BBS4: variants seen among roughly 807,000 people sequenced by gnomAD.
BBS4 encodes BBSome complex member BBS4.
Under a neutral mutation model 71.4 loss-of-function variants are expected in BBS4, and 58 were observed. That is an observed-to-expected ratio of 0.81 (90% CI 0.66 to 1.01). The LOEUF is 1.01. Ranked by LOEUF, BBS4 falls within the 50% of genes least tolerant of loss-of-function variation. BBS4 has a pLI of 0.00. For missense variants in BBS4, 660 were observed against 607.9 expected, an observed-to-expected ratio of 1.09 and a Z score of -0.90; for synonymous variants, 228 against 216.8, an observed-to-expected ratio of 1.05 and a Z score of -0.46.
chr15:72,734,569 G>T (rs2065884843), intron 12 of BBS4, among the ~76,000 whole-genome samples: 1 of 152,182 alleles, frequency 6.6e-6, no homozygotes, highest in Admixed American at 6.5e-5. Flanking sequence ...CTCCTCTTAG[G>T]TGCCTGGTAG....
intron 1 of BBS4, chr15:72,686,776 G>A (rs2064852673): frequency 2.8e-6 from 1 of 360,556 alleles, no homozygotes. Context: ...AGAGGAACCC[G>A]ATGAATTCAG....
chr15:72,721,777 G>A (rs533202204), intron 6 of BBS4, among the ~76,000 whole-genome samples: 39 of 152,262 alleles, frequency 2.6e-4, no homozygotes, highest in African/African-American at 9.2e-4. Flanking sequence ...TACTAATAGG[G>A]TAGTTCTTAC....
intron 1 of BBS4, among the ~76,000 whole-genome samples, chr15:72,687,591 C>G (rs548287081): frequency 1.5e-5 from 2 of 131,940 alleles, no homozygotes; most frequent in African/African-American, 5.6e-5. Context: ...GCGACAGAGA[C>G]AGACTCCTTC....
chr15:72,716,992 T>A, intron 6 of BBS4, 142 bp downstream of exon 6: 1 of 696,360 alleles, frequency 1.4e-6, no homozygotes, highest in Non-Finnish European at 2.5e-6. Context: ...TTTGTATAAG[T>A]ATAGGATCAA....
intron 2 of BBS4, 94 bp downstream of exon 2, chr15:72,695,322 C>G (rs902463493): frequency 1.3e-5 from 11 of 871,772 alleles, no homozygotes; most frequent in Non-Finnish European, 1.9e-5. Flanking sequence ...CAGAGTCTCA[C>G]TGTCACCCAG....
chr15:72,735,716 A>G, intron 13 of BBS4, 109 bp from the exon 14 acceptor site: 2 of 1,391,076 alleles, frequency 1.4e-6, no homozygotes, highest in Non-Finnish European at 2.0e-6. Flanking sequence ...TGCATAATGG[A>G]GAAATCTCTA....
At chr15:72,710,195 G>GTTCTTTTTTTTTTTTTTTT (rs1239689474) in intron 3 of BBS4, among the ~76,000 whole-genome samples, 4 of 103,442 alleles carry the variant, frequency 3.9e-5, no homozygotes, top group Admixed American at 1.2e-4. Context: ...ATTTTGTCGA[G>GTTCTTTTTTTTTTTTTTTT]TTTTTTTTTT....
intron 1 of BBS4, among the ~76,000 whole-genome samples, chr15:72,689,859 G>A (rs541941363): frequency 1.8e-3 from 279 of 151,996 alleles, no homozygotes; most frequent in Non-Finnish European, 3.5e-3. Context: ...CGCCCAGGCT[G>A]GAGCGCAGTG....
chr15:72,715,490 C>T (rs2065452942), intron 5 of BBS4, 88 bp downstream of exon 5: 9 of 899,376 alleles, frequency 1.0e-5, no homozygotes, highest in Non-Finnish European at 1.7e-5. Flanking sequence ...CTGGCAGCTG[C>T]ATCAGCCTGA....
At chr15:72,727,885 G>A in intron 8 of BBS4, 55 bp from the exon 9 acceptor site, 2 of 1,325,214 alleles carry the variant, frequency 1.5e-6, no homozygotes, top group South Asian at 1.2e-5. Flanking sequence ...CTGTGCATGT[G>A]TCTTCGTGTT....
intron 1 of BBS4, among the ~76,000 whole-genome samples, chr15:72,688,836 A>G (rs1403691449): frequency 2.0e-5 from 3 of 152,234 alleles, no homozygotes; most frequent in African/African-American, 7.2e-5. Flanking sequence ...AAAACGCTGG[A>G]AGCAAATTAA....
chr15:72,689,744 C>G (rs1021324435), intron 1 of BBS4, among the ~76,000 whole-genome samples: 12 of 148,658 alleles, frequency 8.1e-5, no homozygotes, highest in Non-Finnish European at 1.3e-4. Flanking sequence ...GAATGAGCAA[C>G]TAACTCTGGC....
chr15:72,695,257 T>G (rs1349218094), intron 2 of BBS4, 29 bp downstream of exon 2: 1 of 1,407,280 alleles, frequency 7.1e-7, no homozygotes, highest in South Asian at 1.2e-5. Context: ...GGTATGTGTA[T>G]GTTTGCACAG....
At chr15:72,710,408 G>T (rs1185638171) in intron 3 of BBS4, among the ~76,000 whole-genome samples, 1 of 151,890 alleles carries the variant, frequency 6.6e-6, no homozygotes, top group Non-Finnish European at 1.5e-5. Flanking sequence ...CACCATATTG[G>T]CCAGGCTGGT....
chr15:72,735,066 T>C (rs1038308957), intron 12 of BBS4, 47 bp from the exon 13 acceptor site: 7 of 1,437,834 alleles, frequency 4.9e-6, no homozygotes, highest in Middle Eastern at 1.8e-4. Context: ...ATACTCCTTT[T>C]GTCTTCTAAG....
chr15:72,686,741 G>A (rs2064851941), intron 1 of BBS4: 4 of 422,936 alleles, frequency 9.5e-6, no homozygotes, highest in South Asian at 7.7e-5. Flanking sequence ...TGAGTTGGGC[G>A]TTCACTCCAC....
chr15:72,705,587 CTTTTTTTTTTTT>C (rs762708438), intron 2 of BBS4, among the ~76,000 whole-genome samples: 2 of 86,862 alleles, frequency 2.3e-5, no homozygotes, highest in Non-Finnish European at 4.1e-5. Context: ...ATGGCTTGTC[CTTTTTTTTTTTT>C]TTTTTTTTTT....
intron 3 of BBS4, 25 bp downstream of exon 3, chr15:72,709,804 A>C (rs747095992): frequency 1.3e-6 from 2 of 1,591,380 alleles, no homozygotes; most frequent in Admixed American, 3.3e-5. Flanking sequence ...TAATAATAAA[A>C]ATGAGAGGCA....
chr15:72,717,510 G>A (rs541169474), intron 6 of BBS4, among the ~76,000 whole-genome samples: 40 of 152,106 alleles, frequency 2.6e-4, no homozygotes, highest in African/African-American at 8.2e-4. Context: ...TGCATTCTAG[G>A]GAGGCAGAAA....
Sources: allele counts gnomAD v4.1 joint callset (sites outside exome capture counted in the v4.1 genomes callset), GRCh38; gene constraint gnomAD v4.1.1; transcripts MANE v1.5; gene names NCBI Gene and HGNC (gene_info 2026-07-23, HGNC 2026-07-21).